The following KDM5B variants were observed in gnomAD, a reference collection of about 807,000 sequenced individuals.
KDM5B encodes lysine demethylase 5B.
Under a neutral mutation model 193.4 loss-of-function variants are expected in KDM5B, and 144 were observed. The ratio of observed to expected loss-of-function variants is 0.74; its 90% CI spans 0.65 to 0.86. KDM5B has a LOEUF of 0.86. KDM5B is among the 40% of genes least tolerant of loss of function. The pLI is 0.00. For synonymous variants in KDM5B, 668 were observed against 682.6 expected, an observed-to-expected ratio of 0.98 and a Z score of 0.33; for missense variants, 1,833 against 1,886.9, an observed-to-expected ratio of 0.97 and a Z score of 0.53.
intron 24 of KDM5B, among the ~76,000 whole-genome samples, chr1:202,731,617 G>A (rs1654886082): frequency 6.6e-6 from 1 of 152,106 alleles, no homozygotes; most frequent in Non-Finnish European, 1.5e-5. Flanking sequence ...TCATCCCTGA[G>A]GACAATGGAT....
intron 13 of KDM5B, among the ~76,000 whole-genome samples, chr1:202,749,486 G>T (rs932027198): frequency 6.6e-6 from 1 of 152,108 alleles, no homozygotes; most frequent in Non-Finnish European, 1.5e-5. Context: ...GAGCCTGGGA[G>T]GTCGAGGCTG....
intron 5 of KDM5B, 121 bp from the exon 6 acceptor site, chr1:202,764,266 A>G (rs993411471): frequency 4.1e-5 from 22 of 540,492 alleles, no homozygotes; most frequent in African/African-American, 4.0e-4. Context: ...GGCATTCAAA[A>G]CATACTTCTC....
rs1047418725 is a variant in KDM5B, at chr1:202,771,025, T to C, written c.576+2093A>G. Among the ~76,000 whole-genome samples the C allele has an allele frequency of 2.0e-5, 3 of 152,158 alleles. No homozygotes were observed. In the East Asian group the frequency reaches 5.8e-4, roughly 29 times the overall value. On this transcript the variant is annotated intron_variant, in intron 4 of 26. Transcript: ENST00000367265. ...TACATTGCCTTTTTAAGTATATAAG[T>C]GACATGTTTCTAAAATGTTACAACC... is the stretch of plus-strand genomic sequence containing the variant.
At chr1:202,752,474 C>CA (rs1324843629) in intron 12 of KDM5B, among the ~76,000 whole-genome samples, 1 of 152,192 alleles carries the variant, frequency 6.6e-6, no homozygotes, top group Non-Finnish European at 1.5e-5. Context: ...CACATGACAA[C>CA]AAAATCACCT....
At chr1:202,807,839 G>T (rs1658370580) in intron 1 of KDM5B, among the ~76,000 whole-genome samples, 1 of 151,628 alleles carries the variant, frequency 6.6e-6, no homozygotes, top group African/African-American at 2.4e-5. Flanking sequence ...CTCCGCACCC[G>T]GCCGCCCGAG....
chr1:202,749,585 G>A (rs1255559756), intron 13 of KDM5B, among the ~76,000 whole-genome samples: 1 of 125,318 alleles, frequency 8.0e-6, no homozygotes, highest in Non-Finnish European at 1.8e-5. Flanking sequence ...CAAAACACCA[G>A]ACTCATAAAA....
At chr1:202,776,923 A>C (rs1656981303) in intron 2 of KDM5B, 94 bp downstream of exon 2, 1 of 835,994 alleles carries the variant, frequency 1.2e-6, no homozygotes, top group South Asian at 1.5e-5. Flanking sequence ...ACAGATTTAC[A>C]ATGGTGATTC....
At chr1:202,804,865 C>CAAA (rs35989953) in intron 1 of KDM5B, among the ~76,000 whole-genome samples, 21,762 of 78,330 alleles carry the variant, frequency 0.28, 2,124 homozygotes, top group Middle Eastern at 0.44. Flanking sequence ...AATTCCGTCT[C>CAAA]AAAAAAAAAA....
intron 20 of KDM5B, among the ~76,000 whole-genome samples, chr1:202,737,094 G>A (rs547427264): frequency 9.2e-5 from 14 of 152,244 alleles, no homozygotes; most frequent in African/African-American, 3.4e-4. Context: ...AAGGTTTGTA[G>A]TAACTCAAGA....
At chr1:202,753,448 T>C (rs1196371551) in intron 11 of KDM5B, among the ~76,000 whole-genome samples, 1 of 151,924 alleles carries the variant, frequency 6.6e-6, no homozygotes, top group Admixed American at 6.6e-5. Context: ...TGAGCAGAGA[T>C]CACACCATTG....
intron 20 of KDM5B, among the ~76,000 whole-genome samples, chr1:202,737,608 A>G (rs1160841333): frequency 6.6e-6 from 1 of 152,248 alleles, no homozygotes; most frequent in Non-Finnish European, 1.5e-5. Context: ...ATTATATTAA[A>G]AAAATGTTTA....
At chr1:202,777,307 C>G (rs1249364119) in intron 1 of KDM5B, among the ~76,000 whole-genome samples, 1 of 149,208 alleles carries the variant, frequency 6.7e-6, no homozygotes, top group Non-Finnish European at 1.5e-5. Context: ...CACATATACA[C>G]CTCTCCCCAC....
At chr1:202,749,364 T>C (rs1328769181) in intron 13 of KDM5B, among the ~76,000 whole-genome samples, 1 of 152,164 alleles carries the variant, frequency 6.6e-6, no homozygotes, top group Admixed American at 6.5e-5. Flanking sequence ...GAGACCAGCC[T>C]GTGCAGTATG....
chr1:202,748,906 C>G (rs368775532), intron 14 of KDM5B, 39 bp downstream of exon 14: 114 of 1,529,390 alleles, frequency 7.5e-5, no homozygotes, highest in Non-Finnish European at 9.7e-5. Context: ...CTAAATAATA[C>G]CCAATGACAA....
chr1:202,750,140 C>A (rs138737138), intron 13 of KDM5B, among the ~76,000 whole-genome samples: 75 of 152,352 alleles, frequency 4.9e-4, no homozygotes, highest in African/African-American at 1.8e-3. Context: ...GAAAAAACAT[C>A]AGCTGAACTA....
chr1:202,729,786 GA>G lies in KDM5B; in HGVS notation c.4417del (p.Ser1473ProfsTer18). On this transcript the variant is annotated frameshift_variant, in exon 26 of 27. Coordinates refer to ENST00000367265, the MANE Select transcript of KDM5B (RefSeq NM_006618.5). LOFTEE classifies it high-confidence loss of function. ...CTCAGAGTCTTCCTGTTCGGAATAG[GA>G]TGTGTCTGAGGGCAGGGAATGAGTT... ...AETHSLPSDT[S>X]YSEQEDSEDE... 1 of 1,614,114 alleles carries G rather than the reference GA, an allele frequency of 6.2e-7. No individual in the cohort carries two copies. Among genetic ancestry groups the G allele is most frequent in the Non-Finnish European group, 8.5e-7 (1 of 1,179,964 alleles).
chr1:202,742,986 C>T (rs986300802), intron 16 of KDM5B, among the ~76,000 whole-genome samples, 181 bp from the exon 17 acceptor site: 1 of 152,046 alleles, frequency 6.6e-6, no homozygotes, highest in Non-Finnish European at 1.5e-5. Flanking sequence ...TGGCTGAACA[C>T]GGAGTTTTTT....
At position 202,735,500 on chromosome 1, in the gene KDM5B, T is replaced by A. The variant is rs1377937873; in HGVS notation, c.3352A>T (p.Lys1118Ter). Residue 1118 changes from lysine to a stop codon, truncating the protein, a stop_gained, in exon 22 of 27, where the codon AAA becomes TAA. Transcript: ENST00000367265. LOFTEE classifies it high-confidence loss of function. Reference sequence around the variant, plus strand: ...CTCAGACTCTCTAATTTGGTGCTTTTTTTCTTTCCATTTGGCAAGGGCTCC... The same window carrying A: ...CTCAGACTCTCTAATTTGGTGCTTTATTTCTTTCCATTTGGCAAGGGCTCC... ...LKEPLPNGKK[K>*]STKLESLSDL... 6.2e-7 allele frequency: 1 copy of A among 1,614,184 alleles called. No individual in the cohort carries two copies. Among genetic ancestry groups the A allele is most frequent in the Non-Finnish European group, 8.5e-7 (1 of 1,180,020 alleles).
chr1:202,797,205 C>T (rs912736053), intron 1 of KDM5B: 2 of 152,098 alleles, frequency 1.3e-5, no homozygotes, highest in African/African-American at 4.8e-5. Flanking sequence ...TTTCCATTCC[C>T]GCTGTGCAAC....
Sources: gnomAD v4.1 joint callset for allele counts (sites outside exome capture counted in the v4.1 genomes callset) on GRCh38, gnomAD v4.1.1 for gene constraint, MANE v1.5 for transcripts, NCBI Gene and HGNC (gene_info 2026-07-23, HGNC 2026-07-21) for gene names.